SNAP91: variants seen among roughly 807,000 people sequenced by gnomAD.
SNAP91 encodes the protein synaptosome associated protein 91, also known as clathrin coat assembly protein AP180.
SNAP91 carries 27 observed loss-of-function variants against 100.3 expected under a neutral mutation model. The observed-to-expected ratio is 0.27, with a 90% CI of 0.20 to 0.37. The LOEUF (loss-of-function observed/expected upper bound fraction) is 0.37, where lower values mean the gene tolerates loss of function less well. Ranked by LOEUF, SNAP91 falls within the 10% of genes least tolerant of loss-of-function variation. The probability of loss-of-function intolerance (pLI) is 1.00; values close to 1 mark genes in which losing one functional copy is unlikely to be tolerated. For missense variants in SNAP91, 986 were observed against 1,123.7 expected, an observed-to-expected ratio of 0.88 and a Z score of 1.75; for synonymous variants, 404 against 398.6, an observed-to-expected ratio of 1.01 and a Z score of -0.16.
rs1554335106 is a variant in SNAP91, at chr6:83,675,827, A to AACACACACACACATAC, written c.131-10247_131-10246insGTATGTGTGTGTGTGT. Among the ~76,000 whole-genome samples the AACACACACACACATAC allele has an allele frequency of 1.8e-3, 254 of 138,286 alleles. 2 individuals carry two copies. The highest frequency in any genetic ancestry group is 6.0e-3 in the African/African-American group (220 of 36,890). 90.7% of individuals were successfully genotyped at this position (138,286 alleles called of 152,430 possible). On this transcript the variant is annotated intron_variant, in intron 2 of 29. Transcript: ENST00000369694. ...GCACAGAGCCTGATACACTTGAAGG[A>AACACACACACACATAC]ACACACACACACACACACACACACA...
At chr6:83,592,598 G>A (rs2093924322) in intron 20 of SNAP91, 60 bp from the exon 21 acceptor site, 1 of 1,359,388 alleles carries the variant, frequency 7.4e-7, no homozygotes, top group South Asian at 1.2e-5. Context: ...AAAACCATGA[G>A]CCTTGACAAA....
chr6:83,560,557 G>A (rs930928510), intron 27 of SNAP91, among the ~76,000 whole-genome samples: 3 of 152,136 alleles, frequency 2.0e-5, no homozygotes, highest in African/African-American at 7.2e-5. Flanking sequence ...TGAGTAAAAA[G>A]TCCTAGTATA....
chr6:83,624,999 G>C (rs150464542), intron 8 of SNAP91, among the ~76,000 whole-genome samples: 9 of 152,078 alleles, frequency 5.9e-5, no homozygotes, highest in Admixed American at 2.6e-4. Context: ...CCCAGATAGT[G>C]AACACAGTAC....
At chr6:83,642,461 T>C (rs1423728861) in intron 7 of SNAP91, among the ~76,000 whole-genome samples, 2 of 152,194 alleles carry the variant, frequency 1.3e-5, no homozygotes, top group African/African-American at 4.8e-5. Flanking sequence ...GTCGTTGCAA[T>C]AGTTTGCTGA....
At chr6:83,608,500 CCATT>C (rs1308267871) in intron 12 of SNAP91, among the ~76,000 whole-genome samples, 1 of 151,932 alleles carries the variant, frequency 6.6e-6, no homozygotes, top group African/African-American at 2.4e-5. Flanking sequence ...ATTTAATTCT[CCATT>C]CATTCACAAG....
intron 2 of SNAP91, among the ~76,000 whole-genome samples, chr6:83,704,343 T>C (rs573164542): frequency 6.6e-6 from 1 of 152,254 alleles, no homozygotes; most frequent in South Asian, 2.1e-4. Context: ...TAGTCGAGTA[T>C]GGAAAGAAAG....
intron 8 of SNAP91, among the ~76,000 whole-genome samples, chr6:83,628,690 T>C (rs1033186730): frequency 2.0e-5 from 3 of 152,120 alleles, no homozygotes; most frequent in Admixed American, 2.0e-4. Flanking sequence ...TGTCTATTTA[T>C]GTCCTTAGCC....
chr6:83,562,969 T>C (rs1331202994), intron 26 of SNAP91, among the ~76,000 whole-genome samples: 2 of 152,226 alleles, frequency 1.3e-5, no homozygotes, highest in African/African-American at 2.4e-5. Flanking sequence ...ATGTGTTTTA[T>C]TGTATGCCTC....
At chr6:83,593,391 A>T (rs2094060135) in intron 18 of SNAP91, 87 bp downstream of exon 18, 2 of 1,523,364 alleles carry the variant, frequency 1.3e-6, no homozygotes, top group Non-Finnish European at 1.8e-6. Context: ...GAACCATTTA[A>T]TTACACAGTC....
At chr6:83,639,655 C>G (rs1376226355) in intron 8 of SNAP91, among the ~76,000 whole-genome samples, 1 of 152,048 alleles carries the variant, frequency 6.6e-6, no homozygotes, top group African/African-American at 2.4e-5. Context: ...AAGGAATTGA[C>G]ACATAAGTAG....
rs1184667452 is a variant in SNAP91, at chr6:83,553,994, T to C, written c.*302A>G. ...CTCGCCACACAACAGCTGCATCATC[T>C]GTCCTCAGGTGAAGTCCAAAAAAGC... On this transcript the variant is annotated 3_prime_UTR_variant, in exon 30 of 30. Coordinates refer to ENST00000369694, the MANE Select transcript of SNAP91 (RefSeq NM_001242792.2). 1 of 153,120 alleles carries C rather than the reference T, an allele frequency of 6.5e-6. No individual in the cohort carries two copies. The highest frequency in any genetic ancestry group is 1.5e-5 in the Non-Finnish European group (1 of 68,290). The allele number at this position is 153,120 out of a possible 1,614,324, so 9.5% of individuals were successfully genotyped here.
intron 26 of SNAP91, 132 bp downstream of exon 26, chr6:83,574,878 A>G (rs1057378440): frequency 1.7e-6 from 1 of 581,192 alleles, no homozygotes; most frequent in Non-Finnish European, 3.0e-6. Flanking sequence ...CTGGAGTGCT[A>G]CTTGCTTATA....
At chr6:83,661,711 T>G in intron 4 of SNAP91, 107 bp from the exon 5 acceptor site, 1 of 563,110 alleles carries the variant, frequency 1.8e-6, no homozygotes, top group East Asian at 2.9e-5. Context: ...AGTCCTAGGA[T>G]AGGGTCAATA....
At chr6:83,569,934 G>A (rs1446375741) in intron 26 of SNAP91, among the ~76,000 whole-genome samples, 2 of 152,044 alleles carry the variant, frequency 1.3e-5, no homozygotes, top group Non-Finnish European at 2.9e-5. Context: ...AAATTGCCCA[G>A]TCTCGGGTAT....
chr6:83,560,011 A>G (rs1784664610), intron 28 of SNAP91, 93 bp downstream of exon 28: 3 of 1,044,268 alleles, frequency 2.9e-6, no homozygotes, highest in Admixed American at 3.7e-5. Flanking sequence ...TGAGGATTAC[A>G]TTAGGTAAAA....
chr6:83,669,056 T>G (rs1425512519), intron 2 of SNAP91, among the ~76,000 whole-genome samples: 2 of 152,044 alleles, frequency 1.3e-5, no homozygotes, highest in East Asian at 3.9e-4. Flanking sequence ...AATAAAGTGT[T>G]GAATATGTCA....
chr6:83,708,696 C>CA (rs1423737015), intron 1 of SNAP91, 149 bp downstream of exon 1: 3 of 152,526 alleles, frequency 2.0e-5, no homozygotes, highest in Admixed American at 2.0e-4. Flanking sequence ...GCCGGGCTGA[C>CA]AGCGAAGCCC....
chr6:83,613,195 C>T (rs2096263327), intron 11 of SNAP91, among the ~76,000 whole-genome samples: 1 of 152,074 alleles, frequency 6.6e-6, no homozygotes, highest in South Asian at 2.1e-4. Flanking sequence ...GTTGAGATAT[C>T]CCACTTACCA....
chr6:83,621,777 CCTA>C (rs2096739043), intron 9 of SNAP91, among the ~76,000 whole-genome samples: 1 of 151,902 alleles, frequency 6.6e-6, no homozygotes, highest in Non-Finnish European at 1.5e-5. Context: ...TAACTGAGAG[CCTA>C]CTTTCTCTTT....
Sources: allele counts gnomAD v4.1 joint callset (sites outside exome capture counted in the v4.1 genomes callset), GRCh38; gene constraint gnomAD v4.1.1; transcripts MANE v1.5; gene names NCBI Gene and HGNC (gene_info 2026-07-23, HGNC 2026-07-21).